CACNA1D: variants seen among roughly 807,000 people sequenced by gnomAD.
CACNA1D encodes calcium voltage-gated channel subunit alpha1 D.
CACNA1D carries 55 observed loss-of-function variants against 257.1 expected under a neutral mutation model. The ratio of observed to expected loss-of-function variants is 0.21; its 90% CI spans 0.17 to 0.27. CACNA1D has a LOEUF of 0.27. Ranked by LOEUF, CACNA1D falls within the 10% of genes least tolerant of loss-of-function variation. CACNA1D has a pLI of 1.00. For synonymous variants in CACNA1D, 980 were observed against 1,014.9 expected (o/e 0.97, Z 0.65); for missense variants, 1,876 against 2,784.0 (o/e 0.67, Z 7.34).
chr3:53,665,895 TA>T, intron 6 of CACNA1D, 83 bp downstream of exon 6: 2 of 1,122,518 alleles, frequency 1.8e-6, no homozygotes, highest in Non-Finnish European at 2.7e-6. Context: ...GGGGAAAATC[TA>T]AAACAAAATA....
intron 28 of CACNA1D, among the ~76,000 whole-genome samples, chr3:53,752,640 C>T (rs2095235635): frequency 6.6e-6 from 1 of 152,200 alleles, no homozygotes; most frequent in Non-Finnish European, 1.5e-5. Flanking sequence ...CTCAGGTGAT[C>T]CGTTGCCTCA....
intron 3 of CACNA1D, among the ~76,000 whole-genome samples, chr3:53,549,590 C>T (rs1160698105): frequency 6.6e-6 from 1 of 152,192 alleles, no homozygotes; most frequent in Non-Finnish European, 1.5e-5. Flanking sequence ...TGTTCAGAGA[C>T]ACAGTCTTTA....
intron 40 of CACNA1D, chr3:53,799,849 C>A (rs949747964): frequency 5.1e-5 from 15 of 291,634 alleles, no homozygotes; most frequent in African/African-American, 3.2e-4. Flanking sequence ...CCCTTTAGAT[C>A]GGCCAGGCTG....
chr3:53,646,937 A>G (rs2094027616), intron 3 of CACNA1D, among the ~76,000 whole-genome samples: 3 of 152,190 alleles, frequency 2.0e-5, no homozygotes, highest in African/African-American at 4.8e-5. Context: ...CTGCTAGTTG[A>G]CAGTTTCTGT....
In CACNA1D at chr3:53,708,089, C is replaced by T. The variant is rs564086553; in HGVS notation, c.1390+5279C>T. Among the ~76,000 whole-genome samples the T allele has an allele frequency of 2.7e-3, 414 of 152,346 alleles. 10 individuals carry two copies. The highest frequency in any genetic ancestry group is 2.4e-3 in the Non-Finnish European group (164 of 68,032). ...TGGTGGAGCAGGTTGCCCTAGCTGC[C>T]TCTCTTTTGCATGTGCTACCTAGTT... On this transcript the variant is annotated intron_variant, in intron 9 of 47. Transcript: ENST00000350061.
chr3:53,588,906 T>C (rs1471652964), intron 3 of CACNA1D, among the ~76,000 whole-genome samples: 1 of 152,196 alleles, frequency 6.6e-6, no homozygotes, highest in African/African-American at 2.4e-5. Context: ...AGAAAGGGTC[T>C]TGATTACCAT....
chr3:53,730,576 A>T lies in CACNA1D; in HGVS notation c.2336+20A>T. On this transcript the variant is annotated intron_variant, in intron 16 of 47. Coordinates refer to ENST00000350061, the MANE Select transcript of CACNA1D (RefSeq NM_001128840.3). ...TGCCAGGTAACCCTATTTTCCCCTG[A>T]CGTGTTTGTCCAGGGGCTGTGTTGG... 4 of 1,555,492 alleles carry T rather than the reference A, an allele frequency of 2.6e-6. No homozygotes were observed. Among genetic ancestry groups the T allele is most frequent in the Non-Finnish European group, 3.5e-6 (4 of 1,127,518 alleles).
chr3:53,776,123 C>T, intron 35 of CACNA1D, 78 bp downstream of exon 35: 1 of 1,302,262 alleles, frequency 7.7e-7, no homozygotes, highest in South Asian at 1.2e-5. Context: ...ATGGCCTTGC[C>T]CTGTCCCATC....
chr3:53,510,351 C>G (rs905708016), intron 3 of CACNA1D, among the ~76,000 whole-genome samples: 1 of 152,188 alleles, frequency 6.6e-6, no homozygotes, highest in Admixed American at 6.5e-5. Flanking sequence ...CTTTTTCCCA[C>G]TCAATAGACC....
At chr3:53,654,802 A>G (rs2094132634) in intron 4 of CACNA1D, among the ~76,000 whole-genome samples, 1 of 152,186 alleles carries the variant, frequency 6.6e-6, no homozygotes, top group South Asian at 2.1e-4. Context: ...TAGAGAAGCC[A>G]CTAAAAAAGA....
At chr3:53,585,688 C>T (rs1275173332) in intron 3 of CACNA1D, among the ~76,000 whole-genome samples, 1 of 152,056 alleles carries the variant, frequency 6.6e-6, no homozygotes, top group African/African-American at 2.4e-5. Context: ...GTAATGCCTC[C>T]CAGAGCTCAC....
At chr3:53,509,665 G>A (rs1575707373) in intron 3 of CACNA1D, among the ~76,000 whole-genome samples, 1 of 152,234 alleles carries the variant, frequency 6.6e-6, no homozygotes, top group South Asian at 2.1e-4. Flanking sequence ...TCCCGGTCTT[G>A]GCTGGCCCTG....
intron 38 of CACNA1D, 58 bp downstream of exon 38, chr3:53,780,186 C>T: frequency 1.5e-6 from 2 of 1,331,900 alleles, no homozygotes; most frequent in East Asian, 4.6e-5. Context: ...CATCACATCC[C>T]ATCTTGCCTT....
intron 25 of CACNA1D, 39 bp from the exon 26 acceptor site, chr3:53,747,263 G>C (rs370052981): frequency 6.2e-7 from 1 of 1,600,372 alleles, no homozygotes; most frequent in Non-Finnish European, 8.6e-7. Context: ...CACCTGTCAT[G>C]TGTGAAGCCA....
At chr3:53,579,916 G>A (rs937212696) in intron 3 of CACNA1D, among the ~76,000 whole-genome samples, 14 of 152,362 alleles carry the variant, frequency 9.2e-5, no homozygotes, top group Middle Eastern at 3.4e-3. Flanking sequence ...TGAGGAAGCC[G>A]CTGATGGCCA....
chr3:53,587,546 A>G (rs1300252683), intron 3 of CACNA1D, among the ~76,000 whole-genome samples: 5 of 152,182 alleles, frequency 3.3e-5, no homozygotes, highest in Non-Finnish European at 7.4e-5. Flanking sequence ...TCAGGCAGGA[A>G]TGGGGACAGG....
chr3:53,781,481 A>G (rs2095425014), intron 38 of CACNA1D, 85 bp from the exon 39 acceptor site: 2 of 879,368 alleles, frequency 2.3e-6, no homozygotes, highest in Admixed American at 1.8e-5. Context: ...CATCCAGGTC[A>G]GGCTGGGACA....
chr3:53,558,150 A>G (rs143657611), intron 3 of CACNA1D, among the ~76,000 whole-genome samples: 4 of 152,340 alleles, frequency 2.6e-5, no homozygotes, highest in African/African-American at 7.2e-5. Context: ...ATATGTTTAT[A>G]TACTGCATTC....
chr3:53,737,778 A>G (rs559259078), intron 20 of CACNA1D, among the ~76,000 whole-genome samples: 43 of 152,236 alleles, frequency 2.8e-4, no homozygotes, highest in Non-Finnish European at 4.8e-4. Context: ...AACTGAGATC[A>G]TGCCATTGCA....
Sources: gnomAD v4.1 joint callset for allele counts (sites outside exome capture counted in the v4.1 genomes callset) on GRCh38, gnomAD v4.1.1 for gene constraint, MANE v1.5 for transcripts, NCBI Gene and HGNC (gene_info 2026-07-23, HGNC 2026-07-21) for gene names.